Variants in USP3 observed in about 807,000 individuals in gnomAD.
USP3 encodes the protein ubiquitin specific peptidase 3.
In USP3, 20 loss-of-function variants were observed where a neutral mutation model predicts 72.3. The ratio of observed to expected loss-of-function variants is 0.28; its 90% confidence interval spans 0.19 to 0.40. The LOEUF (loss-of-function observed/expected upper bound fraction) is 0.40. Among genes scored for constraint, USP3 ranks in the 10% least tolerant of loss-of-function variants. The pLI is 1.00. For missense variants in USP3, 479 were observed against 633.9 expected (o/e 0.76, Z 2.62); for synonymous variants, 222 against 225.3 (o/e 0.99, Z 0.13).
intron 1 of USP3, among the ~76,000 whole-genome samples, chr15:63,521,540 G>T (rs993636333): frequency 6.6e-6 from 1 of 152,260 alleles, no homozygotes. Context: ...TTATTTTTCT[G>T]TTGGGAAACC....
intron 1 of USP3, among the ~76,000 whole-genome samples, chr15:63,506,514 C>G (rs146599293): frequency 6.6e-6 from 1 of 152,150 alleles, no homozygotes; most frequent in African/African-American, 2.4e-5. Flanking sequence ...AAAATCACAT[C>G]AAACTTAAAA....
intron 1 of USP3, among the ~76,000 whole-genome samples, chr15:63,511,953 CTTTT>C (rs58146448): frequency 8.9e-6 from 1 of 112,274 alleles, no homozygotes; most frequent in Admixed American, 9.2e-5. Flanking sequence ...AACTGCAGAT[CTTTT>C]TTTTTTTTTT....
chr15:63,542,898 T>G (rs998587567), intron 3 of USP3, among the ~76,000 whole-genome samples: 4 of 152,140 alleles, frequency 2.6e-5, no homozygotes, highest in Non-Finnish European at 5.9e-5. Context: ...GCATAAATAT[T>G]GGAAACAAAA....
intron 3 of USP3, among the ~76,000 whole-genome samples, chr15:63,543,272 G>A (rs1035447654): frequency 7.9e-5 from 12 of 151,820 alleles, no homozygotes; most frequent in Admixed American, 7.2e-4. Flanking sequence ...TTTACATGAT[G>A]GTCCTCAAAC....
At chr15:63,556,979 C>A (rs996407513) in intron 5 of USP3, 1 of 379,128 alleles carries the variant, frequency 2.6e-6, no homozygotes, top group African/African-American at 2.1e-5. Context: ...GCTCCTCTTC[C>A]CTAGAAAACA....
chr15:63,548,417 C>T (rs1023223525), intron 3 of USP3, among the ~76,000 whole-genome samples: 4 of 151,930 alleles, frequency 2.6e-5, no homozygotes, highest in African/African-American at 9.7e-5. Flanking sequence ...CCTCCGCCTC[C>T]TAGGTTCAAG....
intron 1 of USP3, among the ~76,000 whole-genome samples, chr15:63,508,917 G>A (rs1232894417): frequency 6.6e-6 from 1 of 152,178 alleles, no homozygotes; most frequent in Non-Finnish European, 1.5e-5. Context: ...CCCAAGAAAA[G>A]TAAGTGTAGA....
chr15:63,534,602 A>G (rs2066127325), intron 2 of USP3, among the ~76,000 whole-genome samples: 1 of 152,194 alleles, frequency 6.6e-6, no homozygotes, highest in African/African-American at 2.4e-5. Context: ...TTCGACTAAT[A>G]TATTTAGGTA....
At chr15:63,561,483 C>T (rs890750795) in intron 7 of USP3, among the ~76,000 whole-genome samples, 1 of 152,234 alleles carries the variant, frequency 6.6e-6, no homozygotes, top group Non-Finnish European at 1.5e-5. Flanking sequence ...CAGCAGAGTT[C>T]CTGTTGCCAG....
At chr15:63,581,555 T>G (rs2066963409) in intron 11 of USP3, among the ~76,000 whole-genome samples, 1 of 144,446 alleles carries the variant, frequency 6.9e-6, no homozygotes, top group Non-Finnish European at 1.5e-5. Context: ...GGCTAATTTT[T>G]TTTTTTTTTT....
In USP3 at chr15:63,556,688, G is replaced by C. The variant is rs914761404; in HGVS notation, c.390G>C (p.Arg130Ser). Residue 130 changes from arginine (R) to serine (S), a missense_variant, in exon 5 of 15, where the codon AGG becomes AGC. By Grantham distance (110) the Arg-to-Ser change is moderately radical (BLOSUM62 -1). Transcript: ENST00000380324. ...NLENSAFTAD[R>S]HKKRKLLENS... ...ATAGCTCAGCTTTCACAGCTGACAGGCATAAGAAAAGAAAACTTTTGGAAA... is the reference window on the plus strand; with the variant it reads ...ATAGCTCAGCTTTCACAGCTGACAGCCATAAGAAAAGAAAACTTTTGGAAA... 1 of 1,608,148 alleles carries C rather than the reference G, an allele frequency of 6.2e-7. No individual in the cohort carries two copies. The highest frequency in any genetic ancestry group is 1.7e-5 in the Admixed American group (1 of 59,054).
intron 2 of USP3, among the ~76,000 whole-genome samples, chr15:63,536,500 A>T (rs2066158721): frequency 6.6e-6 from 1 of 152,026 alleles, no homozygotes; most frequent in African/African-American, 2.4e-5. Context: ...AGGAGTTTAT[A>T]AATAATATCT....
At chr15:63,512,335 C>CTCCTCTTCCTCTTCT (rs2065797752) in intron 1 of USP3, among the ~76,000 whole-genome samples, 2 of 83,064 alleles carry the variant, frequency 2.4e-5, no homozygotes, top group African/African-American at 5.3e-5. Flanking sequence ...CTTCCTCTTC[C>CTCCTCTTCCTCTTCT]TCCTCTTCCT....
chr15:63,558,326 C>T, intron 6 of USP3, 138 bp downstream of exon 6: 2 of 934,524 alleles, frequency 2.1e-6, no homozygotes, highest in Non-Finnish European at 3.2e-6. Flanking sequence ...TTTGTTTCCT[C>T]ATCAGTAAAA....
chr15:63,514,339 T>C (rs74024863), intron 1 of USP3, among the ~76,000 whole-genome samples: 1,584 of 152,304 alleles, frequency 0.01, 22 homozygotes, highest in African/African-American at 0.037. Flanking sequence ...GACTCTTGGT[T>C]TTGGTTAAAT....
At chr15:63,551,492 A>C (rs2066435960) in intron 3 of USP3, 1 of 152,130 alleles carries the variant, frequency 6.6e-6, no homozygotes. Context: ...AAATGTTCAA[A>C]TAAACAATTA....
intron 3 of USP3, among the ~76,000 whole-genome samples, chr15:63,537,495 TAACTC>T (rs2066175224): frequency 6.6e-6 from 1 of 152,160 alleles, no homozygotes; most frequent in Admixed American, 6.5e-5. Context: ...ATGTTCAAAA[TAACTC>T]AACAAACCCA....
At chr15:63,512,287 TTCC>T (rs1286646490) in intron 1 of USP3, among the ~76,000 whole-genome samples, 1 of 149,558 alleles carries the variant, frequency 6.7e-6, no homozygotes, top group African/African-American at 2.5e-5. Flanking sequence ...CTTCCTCTTC[TTCC>T]TCTTCTTCTT....
chr15:63,540,151 C>G (rs143425577), intron 3 of USP3, among the ~76,000 whole-genome samples: 64 of 152,278 alleles, frequency 4.2e-4, no homozygotes, highest in Middle Eastern at 6.8e-3. Flanking sequence ...GTGCTCTGTG[C>G]CCTAGAGAAG....
Sources: gnomAD v4.1 joint callset for allele counts (sites outside exome capture counted in the v4.1 genomes callset) on GRCh38, gnomAD v4.1.1 for gene constraint, MANE v1.5 for transcripts, NCBI Gene and HGNC (gene_info 2026-07-23, HGNC 2026-07-21) for gene names.